The following HOXA3 variants were observed in gnomAD, a reference collection of about 807,000 sequenced individuals.
The protein encoded by HOXA3 is homeobox protein Hox-A3.
Under a neutral mutation model 30.3 loss-of-function variants are expected in HOXA3, and 8 were observed. That is an observed-to-expected ratio of 0.26 (90% CI 0.15 to 0.48). The LOEUF is 0.48. HOXA3 is among the 20% of genes least tolerant of loss of function. The probability of loss-of-function intolerance (pLI) is 0.99; values close to 1 mark genes in which losing one functional copy is unlikely to be tolerated. For missense variants in HOXA3, 653 were observed against 614.4 expected, an observed-to-expected ratio of 1.06 and a Z score of -0.66; for synonymous variants, 323 against 273.1, an observed-to-expected ratio of 1.18 and a Z score of -1.80.
At chr7:27,122,489 G>A (rs1785065719) in intron 4 of HOXA3, 70 bp downstream of exon 4, 1 of 152,230 alleles carries the variant, frequency 6.6e-6, no homozygotes, top group South Asian at 2.1e-4. Flanking sequence ...AGGAACCGTG[G>A]AGGGCCAACT....
At chr7:27,135,333 G>A (rs1202010271) in intron 2 of HOXA3, among the ~76,000 whole-genome samples, 1 of 151,838 alleles carries the variant, frequency 6.6e-6, no homozygotes, top group African/African-American at 2.4e-5. Flanking sequence ...CTTATAGCTT[G>A]TAGCATTTCT....
chr7:27,134,822 CA>C (rs1219251712), intron 2 of HOXA3, among the ~76,000 whole-genome samples: 2 of 152,122 alleles, frequency 1.3e-5, no homozygotes, highest in Admixed American at 6.5e-5. Context: ...TCCAATCAAC[CA>C]AAATATTGGG....
chr7:27,150,873 C>T (rs1341142737), intron 1 of HOXA3: 1 of 152,390 alleles, frequency 6.6e-6, no homozygotes, highest in Admixed American at 6.5e-5. Flanking sequence ...CTTGCGTCCC[C>T]CTCTACCCTG....
Position 27,129,599 on chromosome 7 carries a change from G to A in HOXA3, c.-389-2529C>T, listed in dbSNP as rs181341224. 330 of 1,607,222 alleles carry A rather than the reference G, an allele frequency of 2.1e-4. No individual in the cohort carries two copies. In the African/African-American group the frequency reaches 4.1e-3, roughly 20 times the overall value. ...GAAAACCCAGAACCCCGAAATAGAA[G>A]GCCAAGGAGGAGGGAGCGGAAGAGA... On this transcript the variant is annotated intron_variant, in intron 2 of 5. Coordinates refer to ENST00000612286, the MANE Select transcript of HOXA3 (RefSeq NM_153631.3).
intron 1 of HOXA3, chr7:27,142,668 C>T: frequency 4.0e-6 from 1 of 248,516 alleles, no homozygotes; most frequent in Non-Finnish European, 7.6e-6. Flanking sequence ...GCGTAGCCCT[C>T]CTCATAAATT....
At chr7:27,129,330 C>T (rs748993398) in intron 2 of HOXA3, 7 of 1,614,070 alleles carry the variant, frequency 4.3e-6, no homozygotes, top group Non-Finnish European at 5.9e-6. Flanking sequence ...AGGCCGAGGC[C>T]GAATTGGAGG....
chr7:27,134,522 C>A (rs1174561937), intron 2 of HOXA3, among the ~76,000 whole-genome samples: 1 of 152,154 alleles, frequency 6.6e-6, no homozygotes, highest in East Asian at 1.9e-4. Context: ...CCAAAAAGCA[C>A]AATAAAAAGG....
intron 3 of HOXA3, among the ~76,000 whole-genome samples, chr7:27,126,455 CAATT>C (rs1489775070): frequency 3.0e-4 from 45 of 147,884 alleles, no homozygotes; most frequent in African/African-American, 1.1e-3. Flanking sequence ...AAAAAAAAAA[CAATT>C]AATGAGATAG....
intron 4 of HOXA3, among the ~76,000 whole-genome samples, chr7:27,117,945 C>A (rs530592586): frequency 6.6e-6 from 1 of 152,286 alleles, no homozygotes; most frequent in South Asian, 2.1e-4. Flanking sequence ...AGTGCCCCCT[C>A]CTTTACACCC....
Position 27,108,453 on chromosome 7 carries a change from C to G in HOXA3, c.794G>C (p.Ser265Thr), listed in dbSNP as rs1269933015. Residue 265 changes from serine (S) to threonine (T), a missense_variant, in exon 6 of 6, where the codon AGT becomes ACT. By Grantham distance (58) the Ser-to-Thr change is moderately conservative (BLOSUM62 1). Transcript: ENST00000612286. This position sits in a 1 kb window ranked among gnomAD's most constrained non-coding sequence, Gnocchi z 5.0. ...GGCTCCGGGGGGCACGGGGCTGCGA[C>G]TTGGAGACTGGCCCCCCGATGACGT... is the stretch of plus-strand genomic sequence containing the variant. ...MLTSSGGQSP[S>T]RSPVPPGAGG... is the part of the protein sequence containing the mutation. 1 of 1,614,110 alleles carries G rather than the reference C, an allele frequency of 6.2e-7. No homozygotes were observed. The highest frequency in any genetic ancestry group is 8.5e-7 in the Non-Finnish European group (1 of 1,179,984).
Position 27,108,436 on chromosome 7 carries a change from G to C in HOXA3, c.811C>G (p.Pro271Ala), listed in dbSNP as rs1784154699. 1.2e-6 allele frequency: 2 copies of C among 1,613,910 alleles called. No individual in the cohort carries two copies. The highest frequency in any genetic ancestry group is 1.7e-6 in the Non-Finnish European group (2 of 1,179,892). ...GQSPSRSPVP[P>A]GAGGYLNSMH... ...GAGTTCAGATAGCCACCGGCTCCGG[G>C]GGGCACGGGGCTGCGACTTGGAGAC... Residue 271 changes from proline to alanine, a missense_variant, in exon 6 of 6, where the codon CCC (proline) becomes GCC (alanine). Physicochemically the swap from Pro to Ala is conservative, Grantham distance 27. This residue lies in a region of HOXA3 where 330 missense variants were observed against 274.4 expected (regional missense o/e 1.20). Transcript: ENST00000612286. The surrounding 1 kb of genome is among the most constrained non-coding windows in gnomAD (Gnocchi z 5.0).
chr7:27,135,409 CA>C (rs1785681267), intron 2 of HOXA3, among the ~76,000 whole-genome samples: 2 of 152,046 alleles, frequency 1.3e-5, no homozygotes, highest in Non-Finnish European at 2.9e-5. Flanking sequence ...ATTTTCATGG[CA>C]CCAGTAAGCA....
chr7:27,146,265 G>GTA (rs1463710712), intron 1 of HOXA3, among the ~76,000 whole-genome samples: 1 of 151,804 alleles, frequency 6.6e-6, no homozygotes, highest in Non-Finnish European at 1.5e-5. Context: ...GTGTGTGTGT[G>GTA]TGTGTGTGTC....
intron 2 of HOXA3, among the ~76,000 whole-genome samples, chr7:27,138,632 A>T (rs944758059): frequency 5.9e-5 from 9 of 152,180 alleles, no homozygotes; most frequent in African/African-American, 2.2e-4. Context: ...GTCCCCAGTC[A>T]CTGGGCTTGG....
intron 1 of HOXA3, chr7:27,147,540 C>G (rs1466811991): frequency 6.2e-7 from 1 of 1,614,014 alleles, no homozygotes; most frequent in Admixed American, 1.7e-5. Flanking sequence ...ACTCGTAGGA[C>G]GCCCGGTTGC....
intron 1 of HOXA3, chr7:27,151,536 A>G (rs1272944534): frequency 2.2e-6 from 1 of 454,982 alleles, no homozygotes; most frequent in African/African-American, 2.0e-5. Context: ...CTTCCCACCA[A>G]GTAACACCCA....
chr7:27,121,220 C>CGTGTGTGTGTGTGTGTGT, intron 4 of HOXA3: 1 of 137,924 alleles, frequency 7.3e-6, no homozygotes, highest in East Asian at 2.1e-4. Context: ...CCACTGTGTG[C>CGTGTGTGTGTGTGTGTGT]GTGTGTGTGT....
At chr7:27,129,965 C>T (rs1033872699) in intron 2 of HOXA3, 5 of 824,284 alleles carry the variant, frequency 6.1e-6, no homozygotes, top group South Asian at 3.4e-5. Flanking sequence ...GGCTGGCTGG[C>T]GCGCACATAC....
chr7:27,114,069 G>A (rs985104164), intron 4 of HOXA3: 78 of 150,496 alleles, frequency 5.2e-4, no homozygotes, highest in Middle Eastern at 3.4e-3. Context: ...GGGCGGGCGG[G>A]AGGGGAGACC....
Sources: gnomAD v4.1 joint callset for allele counts (sites outside exome capture counted in the v4.1 genomes callset) on GRCh38, gnomAD v4.1.1 for gene constraint, gnomAD v4.1.1 regional missense constraint, Gnocchi (gnomAD v3.1) non-coding constraint, MANE v1.5 for transcripts, NCBI Gene and HGNC (gene_info 2026-07-23, HGNC 2026-07-21) for gene names.